Variants in FHIT observed in about 807,000 individuals in gnomAD.
The protein encoded by FHIT is fragile histidine triad diadenosine triphosphatase, also known as bis(5'-adenosyl)-triphosphatase.
A neutral mutation model predicts 17.9 loss-of-function variants in FHIT; 19 were observed. The observed-to-expected ratio is 1.06, with a 90% confidence interval of 0.74 to 1.56. The LOEUF (loss-of-function observed/expected upper bound fraction) is 1.56, where lower values mean the gene tolerates loss of function less well. Among genes scored for constraint, FHIT ranks in the 40% most tolerant of loss-of-function variants. The probability of loss-of-function intolerance (pLI) is 0.00; values close to 1 mark genes in which losing one functional copy is unlikely to be tolerated. For synonymous variants in FHIT, 81 were observed against 69.7 expected (o/e 1.16, Z -0.81); for missense variants, 248 against 189.2 (o/e 1.31, Z -1.82).
At chr3:60,410,416 A>G (rs1702020749) in intron 5 of FHIT, among the ~76,000 whole-genome samples, 1 of 152,316 alleles carries the variant, frequency 6.6e-6, no homozygotes, top group Admixed American at 6.5e-5. Flanking sequence ...ACACAGGTTA[A>G]TTTCATTCCC....
At chr3:59,819,434 A>G (rs1476903253) in intron 8 of FHIT, among the ~76,000 whole-genome samples, 8 of 152,204 alleles carry the variant, frequency 5.3e-5, no homozygotes. Flanking sequence ...GGAGACAATT[A>G]CCAGTGCTAT....
chr3:60,875,029 A>G (rs538225853), intron 3 of FHIT, among the ~76,000 whole-genome samples: 9 of 152,192 alleles, frequency 5.9e-5, no homozygotes, highest in South Asian at 2.1e-4. Context: ...ATGGGAGCAT[A>G]TGTCAGGCAA....
intron 5 of FHIT, among the ~76,000 whole-genome samples, chr3:60,108,559 C>G (rs577792012): frequency 6.6e-6 from 1 of 152,262 alleles, no homozygotes; most frequent in South Asian, 2.1e-4. Flanking sequence ...AGCCCTCCCT[C>G]TTGCCAGAGC....
At chr3:60,808,233 C>T (rs1701463864) in intron 4 of FHIT, among the ~76,000 whole-genome samples, 1 of 152,072 alleles carries the variant, frequency 6.6e-6, no homozygotes, top group Admixed American at 6.5e-5. Flanking sequence ...TGATATGTGG[C>T]TAAAAATATT....
At chr3:60,698,043 C>G (rs2041154518) in intron 4 of FHIT, among the ~76,000 whole-genome samples, 1 of 152,076 alleles carries the variant, frequency 6.6e-6, no homozygotes, top group South Asian at 2.1e-4. Context: ...CCACTCTGAG[C>G]GATAATTATG....
At chr3:60,874,409 T>C (rs1553755802) in intron 3 of FHIT, among the ~76,000 whole-genome samples, 3 of 152,172 alleles carry the variant, frequency 2.0e-5, no homozygotes, top group African/African-American at 7.2e-5. Flanking sequence ...TCAAGAGCTC[T>C]GGGAACTCTC....
At chr3:60,159,072 T>G (rs1700828477) in intron 5 of FHIT, among the ~76,000 whole-genome samples, 3 of 152,190 alleles carry the variant, frequency 2.0e-5, no homozygotes, top group Non-Finnish European at 4.4e-5. Flanking sequence ...TTTAGACTTT[T>G]TTTTCTAATC....
chr3:60,799,476 A>G (rs1701108532), intron 4 of FHIT, among the ~76,000 whole-genome samples: 1 of 147,666 alleles, frequency 6.8e-6, no homozygotes, highest in Admixed American at 7.0e-5. Context: ...GCCTGGCCCA[A>G]AGTCTTTTTT....
At chr3:59,905,428 T>C (rs1559717237) in intron 8 of FHIT, among the ~76,000 whole-genome samples, 2 of 152,196 alleles carry the variant, frequency 1.3e-5, no homozygotes, top group Non-Finnish European at 2.9e-5. Context: ...CACTCTGTTA[T>C]CAGATAAATT....
chr3:60,469,154 C>A (rs1010038753), intron 5 of FHIT, among the ~76,000 whole-genome samples: 1 of 152,070 alleles, frequency 6.6e-6, no homozygotes, highest in Non-Finnish European at 1.5e-5. Context: ...TGGGTTAAAT[C>A]TGCTTAGTGT....
At chr3:60,616,104 G>C (rs561937247) in intron 4 of FHIT, among the ~76,000 whole-genome samples, 1 of 152,100 alleles carries the variant, frequency 6.6e-6, no homozygotes, top group South Asian at 2.1e-4. Flanking sequence ...CCATTGTCTA[G>C]GTTCTTCTAT....
At chr3:60,856,792 C>T (rs1013250433) in intron 3 of FHIT, among the ~76,000 whole-genome samples, 3 of 152,070 alleles carry the variant, frequency 2.0e-5, no homozygotes, top group Non-Finnish European at 2.9e-5. Flanking sequence ...TATGCTCCCA[C>T]CTGACAACTT....
chr3:60,506,831 AT>A (rs1160543305), intron 5 of FHIT, among the ~76,000 whole-genome samples: 2 of 151,800 alleles, frequency 1.3e-5, no homozygotes, highest in Non-Finnish European at 2.9e-5. Flanking sequence ...TGACCTGCAG[AT>A]TTGTGAACAA....
intron 4 of FHIT, among the ~76,000 whole-genome samples, chr3:60,572,922 C>G (rs1553656210): frequency 6.6e-6 from 1 of 152,174 alleles, no homozygotes; most frequent in Admixed American, 6.5e-5. Context: ...GCTAAATGCT[C>G]AACATACAGC....
At chr3:60,537,514 TC>T (rs2036027923) in intron 4 of FHIT, 4 of 957,772 alleles carry the variant, frequency 4.2e-6, no homozygotes, top group Non-Finnish European at 5.0e-6. Flanking sequence ...TAGTAAAATC[TC>T]CAAAATAAAG....
At chr3:60,257,126 G>A (rs1269287465) in intron 5 of FHIT, among the ~76,000 whole-genome samples, 1 of 152,052 alleles carries the variant, frequency 6.6e-6, no homozygotes, top group East Asian at 1.9e-4. Flanking sequence ...CTGTTGTTTG[G>A]ATTATCTTTT....
intron 8 of FHIT, among the ~76,000 whole-genome samples, chr3:59,874,049 T>G (rs1020646119): frequency 6.6e-6 from 1 of 152,066 alleles, no homozygotes; most frequent in South Asian, 2.1e-4. Context: ...TACTGGGAAG[T>G]AAAACTGGCC....
intron 5 of FHIT, among the ~76,000 whole-genome samples, chr3:60,461,443 TA>T (rs1388833925): frequency 8.2e-6 from 1 of 121,972 alleles, no homozygotes; most frequent in Non-Finnish European, 1.6e-5. Context: ...AAGCAACTAA[TA>T]AAACAATATG....
At position 60,983,530 on chromosome 3, in the gene FHIT, G is replaced by A. The variant is rs138508672; in HGVS notation, c.-111+58517C>T. ...CACAGGCCTCAGTGGCAACATGGGA[G>A]CCCTGGGGGAGATGACAGGCTGACT... On this transcript the variant is annotated intron_variant, in intron 3 of 9. Coordinates refer to ENST00000492590, the MANE Select transcript of FHIT (RefSeq NM_002012.4). Among the ~76,000 whole-genome samples the A allele has an allele frequency of 1.7e-3, 257 of 152,256 alleles. 1 individual carries two copies. The highest frequency in any genetic ancestry group is 5.8e-3 in the African/African-American group (240 of 41,560).
Sources: gnomAD v4.1 joint callset for allele counts (sites outside exome capture counted in the v4.1 genomes callset) on GRCh38, gnomAD v4.1.1 for gene constraint, MANE v1.5 for transcripts, NCBI Gene and HGNC (gene_info 2026-07-23, HGNC 2026-07-21) for gene names.